Variants in RGR observed in about 807,000 individuals in gnomAD.
The protein encoded by RGR is RPE-retinal G protein-coupled receptor.
A neutral mutation model predicts 28.6 loss-of-function variants in RGR; 30 were observed. The ratio of observed to expected loss-of-function variants is 1.05; its 90% confidence interval spans 0.78 to 1.42. RGR has a LOEUF of 1.42. Ranked by LOEUF, RGR falls within the 40% of genes most tolerant of loss-of-function variation. The pLI, the probability that RGR is intolerant of heterozygous loss-of-function variation, is 0.00. For synonymous variants in RGR, 180 were observed against 156.4 expected (o/e 1.15, Z -1.13); for missense variants, 404 against 375.6 (o/e 1.08, Z -0.62).
intron 2 of RGR, 46 bp from the exon 3 acceptor site, chr10:84,248,876 G>A (rs1282489310): frequency 8.7e-6 from 14 of 1,614,090 alleles, no homozygotes; most frequent in Non-Finnish European, 1.2e-5. Flanking sequence ...TGTGGGAGGT[G>A]GAAAGGATCG....
rs1313159589 is a variant in RGR, at chr10:84,247,738, GC to G, written c.229del (p.Leu77PhefsTer21). Reference protein sequence around the residue: ...SLNALVAATSSLLRRWPYGSD... With the variant: ...SLNALVAATSXLLRRWPYGSD... ...AATGCCCTCGTTGCAGCCACATCCA[GC>G]CTTCTCCGGTACCAGCCCCCTCCCC... On this transcript the variant is annotated frameshift_variant, in exon 2 of 7. Coordinates refer to ENST00000652092, the MANE Select transcript of RGR (RefSeq NM_001012720.2). LOFTEE classifies it high-confidence loss of function. 6 of 1,614,164 alleles carry G rather than the reference GC, an allele frequency of 3.7e-6. No homozygotes were observed. Among genetic ancestry groups the G allele is most frequent in the Non-Finnish European group, 5.1e-6 (6 of 1,180,034 alleles).
At chr10:84,255,387 G>C (rs1842870109) in intron 5 of RGR, 1 of 152,222 alleles carries the variant, frequency 6.6e-6, no homozygotes, top group African/African-American at 2.4e-5. Context: ...TCTTGCCAAG[G>C]ATGTGAGGTT....
In RGR at chr10:84,252,892, G is replaced by A; in HGVS notation, c.394G>A (p.Val132Met). Residue 132 changes from valine to methionine, a missense_variant, in exon 4 of 7, where the codon GTG becomes ATG. Val to Met is a conservative substitution (Grantham distance 21). Coordinates refer to ENST00000652092, the MANE Select transcript of RGR (RefSeq NM_001012720.2). ...GGCCTGGAACTCAGCCGTCTCTCTG[G>A]TGCTCTTCGTGTGGCTGTCTTCTGC... ...QLAWNSAVSL[V>M]LFVWLSSAFW... is the part of the protein sequence containing the mutation. The A allele has an allele frequency of 6.2e-7, 1 of 1,614,100 alleles. No homozygotes were observed. The highest frequency in any genetic ancestry group is 8.5e-7 in the Non-Finnish European group (1 of 1,180,040).
Position 84,258,796 on chromosome 10 carries a change from G to T in RGR, c.*157G>T, listed in dbSNP as rs1842920789. The T allele has an allele frequency of 9.0e-7, 1 of 1,110,492 alleles. No homozygotes were observed. Among genetic ancestry groups the T allele is most frequent in the African/African-American group, 1.5e-5 (1 of 64,866 alleles). The allele number at this position is 1,110,492 out of a possible 1,614,324, so 68.8% of individuals were successfully genotyped here. ...ACAGGATTCAGAAAGACACCAGGCT[G>T]CACAGAAAGAGCCAGATGGACCTGA... On this transcript the variant is annotated 3_prime_UTR_variant, in exon 7 of 7. Coordinates refer to ENST00000652092, the MANE Select transcript of RGR (RefSeq NM_001012720.2).
Position 84,257,910 on chromosome 10 carries a change from A to T in RGR, c.648A>T (p.Pro216=), listed in dbSNP as rs1392059452. ...SGHLQVNTTL[P]ARTLLLGWGP... is the part of the protein sequence containing the mutation. ...CTCCCCAGGTAAACACCACTCTGCCAGCAAGGACGCTGCTGCTCGGCTGGG... is the reference window on the plus strand; with the variant it reads ...CTCCCCAGGTAAACACCACTCTGCCTGCAAGGACGCTGCTGCTCGGCTGGG... Residue 216 remains proline (P), a synonymous_variant, in exon 6 of 7, where the codon CCA becomes CCT. Transcript: ENST00000652092. 2 of 1,614,126 alleles carry T rather than the reference A, an allele frequency of 1.2e-6. No homozygotes were observed. Among genetic ancestry groups the T allele is most frequent in the Admixed American group, 3.3e-5 (2 of 60,034 alleles).
At position 84,254,311 on chromosome 10, in the gene RGR, C is replaced by T. The variant is rs201073844; in HGVS notation, c.513-15C>T. On this transcript the variant is annotated splice_polypyrimidine_tract_variant and intron_variant, in intron 4 of 6. Transcript: ENST00000652092. Reference sequence around the variant, plus strand: ...CTGAGAGCTAACCCCAATCCTCCACCCGCTCTCCCTGTAGAAACTTCACCA... The same window carrying T: ...CTGAGAGCTAACCCCAATCCTCCACTCGCTCTCCCTGTAGAAACTTCACCA... The T allele has an allele frequency of 1.2e-6, 2 of 1,610,596 alleles. No individual in the cohort carries two copies. Among genetic ancestry groups the T allele is most frequent in the Non-Finnish European group, 1.7e-6 (2 of 1,176,774 alleles).
At chr10:84,245,847 G>A (rs562091822) in intron 1 of RGR, among the ~76,000 whole-genome samples, 8 of 152,310 alleles carry the variant, frequency 5.3e-5, no homozygotes, top group East Asian at 3.9e-4. Flanking sequence ...TAAGATGCTC[G>A]CTGAGGCCAG....
chr10:84,256,055 CTTTCTTTTT>C (rs1842881966), intron 5 of RGR, among the ~76,000 whole-genome samples: 3 of 66,496 alleles, frequency 4.5e-5, no homozygotes, highest in African/African-American at 1.5e-4. Context: ...TTTTTTTTTC[CTTTCTTTTT>C]TTTTTTTTTT....
chr10:84,248,477 G>A (rs1331569614), intron 2 of RGR: 2 of 292,408 alleles, frequency 6.8e-6, no homozygotes, highest in Non-Finnish European at 1.3e-5. Context: ...GCATCAGTGA[G>A]AACTCTTCCT....
rs1226250542 is a variant in RGR at position 84,258,714 on chromosome 10, C to G, written c.*75C>G. 1.3e-5 allele frequency: 21 copies of G among 1,600,750 alleles called. No individual in the cohort carries two copies. The highest frequency in any genetic ancestry group is 1.3e-5 in the Non-Finnish European group (15 of 1,173,120). On this transcript the variant is annotated 3_prime_UTR_variant, in exon 7 of 7. Coordinates refer to ENST00000652092, the MANE Select transcript of RGR (RefSeq NM_001012720.2). ...CTGCCCAGCAGCCTCAGTGGCCAAG[C>G]CCAGACACTCACCCACCTTCCCCAG...
At position 84,258,541 on chromosome 10, in the gene RGR, A is replaced by T; in HGVS notation, c.778A>T (p.Ile260Phe). ...PALIAKMVPT[I>F]NAINYALGNE... ...CCTCATTGCCAAAATGGTGCCCACG[A>T]TCAATGCCATCAACTATGCCCTGGG... is the stretch of plus-strand genomic sequence containing the variant. The change falls in exon 7 of 7, where the codon ATC (isoleucine) becomes TTC (phenylalanine). Residue 260 changes from isoleucine (I) to phenylalanine (F), a missense_variant. Physicochemically the swap from Ile to Phe is conservative, Grantham distance 21. Coordinates refer to ENST00000652092, the MANE Select transcript of RGR (RefSeq NM_001012720.2). 1 of 1,614,194 alleles carries T rather than the reference A, an allele frequency of 6.2e-7. No individual in the cohort carries two copies. The highest frequency in any genetic ancestry group is 8.5e-7 in the Non-Finnish European group (1 of 1,180,044).
In RGR at chr10:84,247,694, G is replaced by A. The variant is rs184408533; in HGVS notation, c.183G>A (p.Ala61=). ...CHLLVLSLAL[A]DSGISLNALV... ...TACTGGTGCTGAGCTTGGCTCTTGC[G>A]GACAGTGGGATCAGCCTGAATGCCC... Residue 61 remains alanine, a synonymous_variant, in exon 2 of 7, where the codon GCG becomes GCA. Coordinates refer to ENST00000652092, the MANE Select transcript of RGR (RefSeq NM_001012720.2). The A allele has an allele frequency of 9.0e-5, 146 of 1,614,164 alleles. No individual in the cohort carries two copies. In the East Asian group the frequency reaches 1.6e-3, roughly 17 times the overall value.
At chr10:84,254,231 C>T in intron 4 of RGR, 95 bp from the exon 5 acceptor site, 1 of 1,081,480 alleles carries the variant, frequency 9.2e-7, no homozygotes, top group Non-Finnish European at 1.4e-6. Context: ...GGCATTTCCC[C>T]ACAACCGATC....
In RGR at chr10:84,258,667, C is replaced by A. The variant is rs916048158; in HGVS notation, c.*28C>A. The A allele has an allele frequency of 6.2e-7, 1 of 1,613,686 alleles. No individual in the cohort carries two copies. Among genetic ancestry groups the A allele is most frequent in the Non-Finnish European group, 8.5e-7 (1 of 1,179,860 alleles). On this transcript the variant is annotated 3_prime_UTR_variant, in exon 7 of 7. Coordinates refer to ENST00000652092, the MANE Select transcript of RGR (RefSeq NM_001012720.2). ...CTGCCACCCTGGAGTGAGCCCCAGG[C>A]CAGGAGGCTGTTCCAGGAGTCCTGC...
At position 84,258,742 on chromosome 10, in the gene RGR, G is replaced by A; in HGVS notation, c.*103G>A. On this transcript the variant is annotated 3_prime_UTR_variant, in exon 7 of 7. Transcript: ENST00000652092. ...AGACACTCACCCACCTTCCCCAGTG[G>A]CCCCGTGGATCCTGGTCCTAGGCTG... 2 of 1,528,794 alleles carry A rather than the reference G, an allele frequency of 1.3e-6. No individual in the cohort carries two copies. The highest frequency in any genetic ancestry group is 1.8e-6 in the Non-Finnish European group (2 of 1,118,130). 94.7% of individuals were successfully genotyped at this position (1,528,794 alleles called of 1,614,324 possible).
At position 84,249,037 on chromosome 10, in the gene RGR, T is replaced by C; in HGVS notation, c.352T>C (p.Cys118Arg). Reference sequence around the variant, plus strand: ...CGCATGGGGGCGTTATCACCACTACTGCACCCGTATGTATCTGGGCTCCTG... The same window carrying C: ...CGCATGGGGGCGTTATCACCACTACCGCACCCGTATGTATCTGGGCTCCTG... ...AIAWGRYHHYCTRSQLAWNSA... is the reference protein window; with the variant it reads ...AIAWGRYHHYRTRSQLAWNSA... Residue 118 changes from cysteine to arginine, a missense_variant, in exon 3 of 7, where the codon TGC becomes CGC. Transcript: ENST00000652092. 6.2e-7 allele frequency: 1 copy of C among 1,613,948 alleles called. No individual in the cohort carries two copies. Among genetic ancestry groups the C allele is most frequent in the East Asian group, 2.2e-5 (1 of 44,860 alleles).
chr10:84,245,377 A>G (rs1319209995), intron 1 of RGR, among the ~76,000 whole-genome samples: 2 of 152,122 alleles, frequency 1.3e-5, no homozygotes, highest in Non-Finnish European at 2.9e-5. Flanking sequence ...CTGGGAGCAG[A>G]GAGGAAGCCA....
intron 3 of RGR, chr10:84,250,427 G>A (rs1395720773): frequency 2.8e-6 from 2 of 717,034 alleles, no homozygotes; most frequent in Admixed American, 4.0e-5. Context: ...AGTGGCGATA[G>A]GTTAGCCCTC....
At chr10:84,250,910 T>TA (rs35107073) in intron 3 of RGR, 38,965 of 105,724 alleles carry the variant, frequency 0.37, 6,207 homozygotes, top group Middle Eastern at 0.49. Flanking sequence ...TCCGCCTCAA[T>TA]AAAAAAAAAA....
Sources: gnomAD v4.1 joint callset for allele counts (sites outside exome capture counted in the v4.1 genomes callset) on GRCh38, gnomAD v4.1.1 for gene constraint, MANE v1.5 for transcripts, NCBI Gene and HGNC (gene_info 2026-07-23, HGNC 2026-07-21) for gene names.